FREM2: variants seen among roughly 807,000 people sequenced by gnomAD.
FREM2 encodes the protein FRAS1-related extracellular matrix protein 2.
FREM2 carries 119 observed loss-of-function variants against 219.9 expected under a neutral mutation model. That is an observed-to-expected ratio of 0.54 (90% CI 0.47 to 0.63). FREM2 has a LOEUF of 0.63. Ranked by LOEUF, FREM2 falls within the 30% of genes least tolerant of loss-of-function variation. The pLI, the probability that FREM2 is intolerant of heterozygous loss-of-function variation, is 0.00. For synonymous variants in FREM2, 1,562 were observed against 1,522.8 expected (o/e 1.03, Z -0.60); for missense variants, 4,030 against 3,993.6 (o/e 1.01, Z -0.25).
At chr13:38,830,460 C>T (rs1443449095) in intron 6 of FREM2, among the ~76,000 whole-genome samples, 1 of 152,156 alleles carries the variant, frequency 6.6e-6, no homozygotes, top group Admixed American at 6.5e-5. Flanking sequence ...CCTCAAGGGT[C>T]CCACGGCTTA....
intron 2 of FREM2, among the ~76,000 whole-genome samples, chr13:38,754,762 G>C (rs889341215): frequency 1.3e-5 from 2 of 151,856 alleles, no homozygotes; most frequent in Non-Finnish European, 1.5e-5. Context: ...AGTTGTTTTT[G>C]ATGAGTGTTA....
At chr13:38,757,261 A>G (rs1873049282) in intron 2 of FREM2, among the ~76,000 whole-genome samples, 1 of 152,210 alleles carries the variant, frequency 6.6e-6, no homozygotes, top group Non-Finnish European at 1.5e-5. Flanking sequence ...AAAATTACAC[A>G]TAGTAATGTG....
intron 2 of FREM2, among the ~76,000 whole-genome samples, chr13:38,746,859 T>C (rs1048780015): frequency 6.6e-6 from 1 of 152,090 alleles, no homozygotes; most frequent in South Asian, 2.1e-4. Context: ...GAAGAAGATT[T>C]TACCAAGACA....
intron 16 of FREM2, among the ~76,000 whole-genome samples, chr13:38,872,502 G>T (rs1038140545): frequency 2.0e-5 from 3 of 152,152 alleles, no homozygotes; most frequent in Non-Finnish European, 4.4e-5. Context: ...TCAAAATAAT[G>T]CACTGTCTTA....
chr13:38,840,872 C>A (rs1338909253), intron 6 of FREM2, among the ~76,000 whole-genome samples: 1 of 152,024 alleles, frequency 6.6e-6, no homozygotes, highest in Non-Finnish European at 1.5e-5. Flanking sequence ...AATGAACAAT[C>A]CTTTGTATGC....
chr13:38,802,170 G>A (rs1875038203), intron 6 of FREM2, among the ~76,000 whole-genome samples: 1 of 152,168 alleles, frequency 6.6e-6, no homozygotes. Flanking sequence ...AGCGAGGTGG[G>A]GTTGTTCCCC....
intron 6 of FREM2, among the ~76,000 whole-genome samples, chr13:38,833,687 GATTT>G (rs201139515): frequency 0.018 from 2,771 of 152,120 alleles, 22 homozygotes; most frequent in South Asian, 0.035. Context: ...GAGTCCTTTG[GATTT>G]ATTTATTTAT....
At chr13:38,871,688 T>A (rs147355711) in intron 16 of FREM2, among the ~76,000 whole-genome samples, 2 of 152,314 alleles carry the variant, frequency 1.3e-5, no homozygotes, top group African/African-American at 4.8e-5. Context: ...TCTCTTTCTA[T>A]CCGTCATCCA....
chr13:38,840,750 A>G (rs1215358751), intron 6 of FREM2, among the ~76,000 whole-genome samples: 1 of 151,638 alleles, frequency 6.6e-6, no homozygotes, highest in Non-Finnish European at 1.5e-5. Context: ...ACACACATAC[A>G]TATATGCTTT....
intron 6 of FREM2, among the ~76,000 whole-genome samples, chr13:38,825,751 T>G (rs1876256446): frequency 1.3e-5 from 2 of 152,116 alleles, no homozygotes; most frequent in African/African-American, 2.4e-5. Flanking sequence ...CAGGCTCCTC[T>G]CTGAGCTACC....
intron 5 of FREM2, among the ~76,000 whole-genome samples, chr13:38,783,623 T>TA (rs777601145): frequency 6.6e-6 from 1 of 152,066 alleles, no homozygotes; most frequent in Non-Finnish European, 1.5e-5. Flanking sequence ...TTTTATATAA[T>TA]AAAAAATTAA....
chr13:38,819,226 G>A (rs1220223078), intron 6 of FREM2, among the ~76,000 whole-genome samples: 1 of 152,014 alleles, frequency 6.6e-6, no homozygotes, highest in Non-Finnish European at 1.5e-5. Flanking sequence ...TTTTGAAACT[G>A]TTGATACAAT....
At chr13:38,785,527 A>G (rs542991010) in intron 6 of FREM2, among the ~76,000 whole-genome samples, 3 of 152,298 alleles carry the variant, frequency 2.0e-5, no homozygotes, top group Non-Finnish European at 2.9e-5. Context: ...TCCCCCTTGA[A>G]ATTTTCCTCC....
chr13:38,722,388 C>T (rs1733643222), intron 2 of FREM2, among the ~76,000 whole-genome samples: 1 of 151,614 alleles, frequency 6.6e-6, no homozygotes, highest in African/African-American at 2.4e-5. Context: ...GTTTTTTAAA[C>T]AAACTCAAGT....
In FREM2 at chr13:38,689,721, C is replaced by A; in HGVS notation, c.2377C>A (p.Leu793Met). The A allele has an allele frequency of 6.2e-7, 1 of 1,613,622 alleles. No individual in the cohort carries two copies. The highest frequency in any genetic ancestry group is 8.5e-7 in the Non-Finnish European group (1 of 1,179,758). ...KIAYRPPGQE[L>M]GVATRVAQFQ... is the part of the protein sequence containing the mutation. ...TGCTTACAGACCCCCGGGTCAAGAA[C>A]TGGGCGTGGCTACTCGAGTGGCCCA... is the stretch of plus-strand genomic sequence containing the variant. Residue 793 changes from leucine (L) to methionine (M), a missense_variant, in exon 1 of 24, where the codon CTG (leucine) becomes ATG (methionine). Leu to Met is a conservative substitution (Grantham distance 15, BLOSUM62 2). Around this residue, in one of 2 missense-constraint regions of FREM2, gnomAD observed 3,102 missense variants for 2,950.7 expected, o/e 1.05. Transcript: ENST00000280481.
chr13:38,711,913 CTTTTTTTT>C (rs1224297915), intron 2 of FREM2, among the ~76,000 whole-genome samples: 2 of 107,574 alleles, frequency 1.9e-5, no homozygotes, highest in Admixed American at 9.6e-5. Context: ...CTGATAATTT[CTTTTTTTT>C]TTTTTTTTTT....
intron 23 of FREM2, 80 bp downstream of exon 23, chr13:38,879,057 C>T (rs1878453001): frequency 7.8e-7 from 1 of 1,281,770 alleles, no homozygotes; most frequent in Non-Finnish European, 1.1e-6. Flanking sequence ...TCAGATGTCT[C>T]ATATGTAAAT....
chr13:38,807,188 G>GA (rs59898069), intron 6 of FREM2, among the ~76,000 whole-genome samples: 34,863 of 64,850 alleles, frequency 0.54, 10,612 homozygotes, highest in Non-Finnish European at 0.67. Flanking sequence ...TCTTGTCTCT[G>GA]TTATATATAT....
Position 38,846,627 on chromosome 13 carries a change from A to C in FREM2, c.6074A>C (p.Tyr2025Ser), listed in dbSNP as rs1367346801. The C allele has an allele frequency of 1.2e-6, 2 of 1,613,656 alleles. No individual in the cohort carries two copies. The highest frequency in any genetic ancestry group is 2.7e-5 in the African/African-American group (2 of 74,890). ...TACTCTGTGGATGAGAGTGCTGGCT[A>C]TGTGGAAGTGCAGGTGTGGAGAACG... is the stretch of plus-strand genomic sequence containing the variant. ...VEYSVDESAG[Y>S]VEVQVWRTGT... The change falls in exon 7 of 24, where the codon TAT becomes TCT. Residue 2025 changes from tyrosine to serine, a missense_variant. Tyr to Ser is a moderately radical substitution (Grantham distance 144, BLOSUM62 -2). Coordinates refer to ENST00000280481, the MANE Select transcript of FREM2 (RefSeq NM_207361.6).
Sources: gnomAD v4.1 joint callset for allele counts (sites outside exome capture counted in the v4.1 genomes callset) on GRCh38, gnomAD v4.1.1 for gene constraint, gnomAD v4.1.1 regional missense constraint, MANE v1.5 for transcripts, NCBI Gene and HGNC (gene_info 2026-07-23, HGNC 2026-07-21) for gene names.